The following AADAT variants were observed in gnomAD, a reference collection of about 807,000 sequenced individuals.
The protein encoded by AADAT is aminoadipate aminotransferase.
In AADAT, 25 loss-of-function variants were observed where a neutral mutation model predicts 56.2. That is an observed-to-expected ratio of 0.44 (90% confidence interval 0.32 to 0.62). AADAT has a LOEUF of 0.62. Among genes scored for constraint, AADAT ranks in the 20% least tolerant of loss-of-function variants. The pLI, the probability that AADAT is intolerant of heterozygous loss-of-function variation, is 0.04. For missense variants in AADAT, 387 were observed against 510.5 expected (o/e 0.76, Z 2.33); for synonymous variants, 173 against 164.7 (o/e 1.05, Z -0.39).
intron 11 of AADAT, among the ~76,000 whole-genome samples, chr4:170,063,810 G>A (rs1430124687): frequency 6.6e-6 from 1 of 152,174 alleles, no homozygotes; most frequent in Admixed American, 6.5e-5. Context: ...ATAAAAGACT[G>A]ACAAACATGC....
intron 3 of AADAT, among the ~76,000 whole-genome samples, chr4:170,084,423 G>C (rs886084916): frequency 2.0e-5 from 3 of 152,090 alleles, no homozygotes; most frequent in African/African-American, 7.2e-5. Context: ...AATATTTCTA[G>C]GTCAAGTAAT....
In AADAT at chr4:170,060,723, G is replaced by T. The variant is rs948671423; in HGVS notation, c.*205C>A. 2 of 395,020 alleles carry T rather than the reference G, an allele frequency of 5.1e-6. No individual in the cohort carries two copies. The highest frequency in any genetic ancestry group is 8.9e-6 in the Non-Finnish European group (2 of 224,568). The allele number at this position is 395,020 out of a possible 1,614,324, so 24.5% of individuals were successfully genotyped here. Reference sequence around the variant, plus strand: ...TATTGGAAAAATCCATGAGCAGCATGATTAGTTTGATTTCTTTCTCTTTTT... The same window carrying T: ...TATTGGAAAAATCCATGAGCAGCATTATTAGTTTGATTTCTTTCTCTTTTT... On this transcript the variant is annotated 3_prime_UTR_variant, in exon 13 of 13. Transcript: ENST00000337664.
intron 4 of AADAT, among the ~76,000 whole-genome samples, chr4:170,074,456 G>A (rs1359898407): frequency 6.6e-6 from 1 of 152,014 alleles, no homozygotes; most frequent in Non-Finnish European, 1.5e-5. Context: ...ATTATTACTG[G>A]TTTATGAAGT....
intron 3 of AADAT, among the ~76,000 whole-genome samples, chr4:170,080,245 A>G (rs72702395): frequency 0.028 from 4,242 of 152,264 alleles, 212 homozygotes; most frequent in East Asian, 0.19. Flanking sequence ...CAGAGAAGTG[A>G]AAAAACTCTG....
At chr4:170,084,453 G>T (rs573870826) in intron 3 of AADAT, among the ~76,000 whole-genome samples, 4 of 152,150 alleles carry the variant, frequency 2.6e-5, no homozygotes, top group African/African-American at 9.7e-5. Context: ...GACAATCTTT[G>T]TAAATTATGT....
chr4:170,067,029 T>C (rs901484040), intron 9 of AADAT, among the ~76,000 whole-genome samples: 1 of 152,244 alleles, frequency 6.6e-6, no homozygotes. Context: ...AATATTTATA[T>C]GTATGAAGTT....
At chr4:170,088,668 C>A in intron 1 of AADAT, 104 bp from the exon 2 acceptor site, 1 of 1,199,918 alleles carries the variant, frequency 8.3e-7, no homozygotes, top group Non-Finnish European at 1.2e-6. Flanking sequence ...TTAACGATTT[C>A]TAGTGATAGA....
chr4:170,086,454 C>G (rs991507117), intron 3 of AADAT, among the ~76,000 whole-genome samples: 1 of 151,686 alleles, frequency 6.6e-6, no homozygotes, highest in Admixed American at 6.6e-5. Flanking sequence ...ATAAATAGAT[C>G]TAGAGAAATA....
chr4:170,085,966 T>C (rs1460401454), intron 3 of AADAT, among the ~76,000 whole-genome samples: 1 of 152,084 alleles, frequency 6.6e-6, no homozygotes, highest in African/African-American at 2.4e-5. Flanking sequence ...AGAATGAATA[T>C]AGAGAATCTT....
intron 3 of AADAT, among the ~76,000 whole-genome samples, chr4:170,083,373 A>G (rs1350755865): frequency 6.6e-6 from 1 of 152,162 alleles, no homozygotes; most frequent in Non-Finnish European, 1.5e-5. Flanking sequence ...TGTGGAAGAC[A>G]GCAAAAACAG....
rs1732675618 is a variant in AADAT, at chr4:170,088,537, G to A, written c.95C>T (p.Ser32Leu). Residue 32 changes from serine (S) to leucine (L), a missense_variant, in exon 2 of 13, where the codon TCG (serine) becomes TTG (leucine). By Grantham distance (145) the Ser-to-Leu change is moderately radical. Coordinates refer to ENST00000337664, the MANE Select transcript of AADAT (RefSeq NM_016228.4). ...MTDILSRGPK[S>L]MISLAGGLPN... The stretch of plus-strand genomic sequence containing the variant: ...TAAGCCACCAGCCAAGGAGATCATC[G>A]ATTTTGGTCCTCTGCTCAATATGTC... 1.2e-6 allele frequency: 2 copies of A among 1,612,920 alleles called. No individual in the cohort carries two copies. The highest frequency in any genetic ancestry group is 2.2e-5 in the East Asian group (1 of 44,842).
At chr4:170,085,490 C>T (rs1014851195) in intron 3 of AADAT, among the ~76,000 whole-genome samples, 2 of 152,072 alleles carry the variant, frequency 1.3e-5, no homozygotes, top group African/African-American at 4.8e-5. Flanking sequence ...CATATTAGTG[C>T]CCCTATAATA....
chr4:170,093,724 T>C (rs1460208432), upstream of AADAT, among the ~76,000 whole-genome samples: 2 of 152,062 alleles, frequency 1.3e-5, no homozygotes, highest in African/African-American at 4.8e-5. Context: ...GCTTCCTGGG[T>C]AGCTGGGACT....
chr4:170,093,280 A>G (rs1732921279), upstream of AADAT, among the ~76,000 whole-genome samples: 1 of 152,062 alleles, frequency 6.6e-6, no homozygotes, highest in African/African-American at 2.4e-5. Flanking sequence ...AAATACAAAA[A>G]TTAGCGGTGT....
At chr4:170,078,460 C>T in intron 4 of AADAT, 49 bp downstream of exon 4, 1 of 1,100,166 alleles carries the variant, frequency 9.1e-7, no homozygotes, top group Non-Finnish European at 1.3e-6. Context: ...TATAAGTTTT[C>T]TTCTTATTTA....
intron 3 of AADAT, among the ~76,000 whole-genome samples, chr4:170,085,908 C>A (rs2111210166): frequency 6.6e-6 from 1 of 152,058 alleles, no homozygotes; most frequent in Non-Finnish European, 1.5e-5. Flanking sequence ...GAAAACTACT[C>A]TGGTTTAAGA....
At chr4:170,088,587 G>C in intron 1 of AADAT, 23 bp from the exon 2 acceptor site, 1 of 1,587,818 alleles carries the variant, frequency 6.3e-7, no homozygotes, top group Non-Finnish European at 8.6e-7. Flanking sequence ...TGGAAGAGAA[G>C]AAACAATTTC....
chr4:170,085,115 C>T (rs1438829017), intron 3 of AADAT, among the ~76,000 whole-genome samples: 1 of 151,980 alleles, frequency 6.6e-6, no homozygotes, highest in Non-Finnish European at 1.5e-5. Context: ...CTCTAGTTTA[C>T]TTTATTGTAA....
intron 1 of AADAT, chr4:170,089,173 GACAGCAAAGGGCC>G: frequency 3.4e-6 from 1 of 294,292 alleles, no homozygotes. Context: ...GGATCAGAAA[GACAGCAAAGGGCC>G]ACAATAGCAG....
Sources: allele counts gnomAD v4.1 joint callset (sites outside exome capture counted in the v4.1 genomes callset), GRCh38; gene constraint gnomAD v4.1.1; transcripts MANE v1.5; gene names NCBI Gene and HGNC (gene_info 2026-07-23, HGNC 2026-07-21).